SCYL2: variants seen among roughly 807,000 people sequenced by gnomAD.
The protein encoded by SCYL2 is SCY1-like protein 2.
In SCYL2, 36 loss-of-function variants were observed where a neutral mutation model predicts 100.4. That is an observed-to-expected ratio of 0.36 (90% CI 0.27 to 0.47). SCYL2 has a LOEUF of 0.47. SCYL2 is among the 20% of genes least tolerant of loss of function. The pLI is 1.00. For missense variants in SCYL2, 902 were observed against 1,083.9 expected (o/e 0.83, Z 2.36); for synonymous variants, 330 against 359.2 (o/e 0.92, Z 0.92).
chr12:100,286,038 A>G (rs892574109), intron 2 of SCYL2, among the ~76,000 whole-genome samples: 6 of 152,170 alleles, frequency 3.9e-5, no homozygotes, highest in African/African-American at 1.2e-4. Context: ...GTTATCTGTT[A>G]GGTAGGAATA....
chr12:100,268,333 C>T (rs2096282236), intron 1 of SCYL2, among the ~76,000 whole-genome samples: 1 of 152,120 alleles, frequency 6.6e-6, no homozygotes, highest in Non-Finnish European at 1.5e-5. Flanking sequence ...CACTGTAAAA[C>T]CCCATTATGT....
chr12:100,339,318 T>C lies in SCYL2; in HGVS notation c.*146T>C. 1 of 801,688 alleles carries C rather than the reference T, an allele frequency of 1.2e-6. No homozygotes were observed. Among genetic ancestry groups the C allele is most frequent in the East Asian group, 2.7e-5 (1 of 37,660 alleles). The allele number at this position is 801,688 out of a possible 1,614,324, so 49.7% of individuals were successfully genotyped here. On this transcript the variant is annotated 3_prime_UTR_variant, in exon 18 of 18. Transcript: ENST00000360820. ...GGAAACATCTCTGTCCATGCCAGCA[T>C]AGTAGTTGTATGGACTTCTAACCAG...
chr12:100,304,519 C>T (rs2096331688), intron 4 of SCYL2, among the ~76,000 whole-genome samples: 1 of 152,120 alleles, frequency 6.6e-6, no homozygotes, highest in East Asian at 1.9e-4. Flanking sequence ...GGAGGGAGTT[C>T]CCCGACCCCT....
At chr12:100,278,002 ATATACT>A (rs1566342100) in intron 1 of SCYL2, among the ~76,000 whole-genome samples, 2 of 152,164 alleles carry the variant, frequency 1.3e-5, no homozygotes, top group Non-Finnish European at 2.9e-5. Flanking sequence ...TCTTTAAAAA[ATATACT>A]TATATTTCCC....
chr12:100,321,927 G>C (rs1446563047), intron 10 of SCYL2, among the ~76,000 whole-genome samples: 1 of 151,650 alleles, frequency 6.6e-6, no homozygotes, highest in African/African-American at 2.4e-5. Context: ...GTGCATGCCT[G>C]TAGTGCCAGC....
chr12:100,282,841 G>C, intron 1 of SCYL2, 102 bp from the exon 2 acceptor site: 1 of 522,476 alleles, frequency 1.9e-6, no homozygotes, highest in Non-Finnish European at 3.2e-6. Flanking sequence ...GGATTATTCT[G>C]TTCACTGTTT....
At chr12:100,322,372 C>CAAAA (rs34959294) in intron 10 of SCYL2, among the ~76,000 whole-genome samples, 15 of 61,758 alleles carry the variant, frequency 2.4e-4, no homozygotes, top group Non-Finnish European at 3.6e-4. Flanking sequence ...GACTCCGTCT[C>CAAAA]AAAAAAAAAA....
At position 100,311,114 on chromosome 12, in the gene SCYL2, T is replaced by C. The variant is rs1260679583; in HGVS notation, c.551T>C (p.Ile184Thr). Residue 184 changes from isoleucine (I) to threonine (T), a missense_variant, in exon 5 of 18, where the codon ATA becomes ACA. Transcript: ENST00000360820. ...MVHGNITPENIILNKSGAWKI... is the reference protein window; with the variant it reads ...MVHGNITPENTILNKSGAWKI... Reference sequence around the variant, plus strand: ...CATGGAAATATCACTCCTGAAAATATAATTTTGAATAAAAGTGGAGCCTGG... The same window carrying C: ...CATGGAAATATCACTCCTGAAAATACAATTTTGAATAAAAGTGGAGCCTGG... 6 of 1,608,276 alleles carry C rather than the reference T, an allele frequency of 3.7e-6. No homozygotes were observed. The African/African-American group carries it at 4.0e-5, about 11-fold the overall frequency.
At chr12:100,289,404 T>C (rs1278525544) in intron 2 of SCYL2, among the ~76,000 whole-genome samples, 1 of 152,222 alleles carries the variant, frequency 6.6e-6, no homozygotes, top group Non-Finnish European at 1.5e-5. Flanking sequence ...ACATTTATCT[T>C]CTCCACAACA....
At chr12:100,326,965 G>A (rs912711844) in intron 12 of SCYL2, among the ~76,000 whole-genome samples, 1 of 152,098 alleles carries the variant, frequency 6.6e-6, no homozygotes, top group Non-Finnish European at 1.5e-5. Flanking sequence ...AAGAATTCTA[G>A]CTTTACGAAT....
chr12:100,272,521 C>T (rs181248213), intron 1 of SCYL2, among the ~76,000 whole-genome samples: 2 of 152,256 alleles, frequency 1.3e-5, no homozygotes, highest in Admixed American at 1.3e-4. Context: ...TTTTTACTTT[C>T]AGTCTGGACG....
At chr12:100,272,551 C>T (rs924208789) in intron 1 of SCYL2, among the ~76,000 whole-genome samples, 1 of 152,080 alleles carries the variant, frequency 6.6e-6, no homozygotes, top group Non-Finnish European at 1.5e-5. Context: ...AAGTTTTTGG[C>T]CTGCATGTCT....
rs1320195004 is a variant in SCYL2 at position 100,340,655 on chromosome 12, ATAT to A, written c.*1488_*1490del. Reference sequence around the variant, plus strand: ...CTTGATTACAAAATGTAATTTAATTATATTATTGCTGGCAGCATTCAGTTAAGA... The same window carrying A: ...CTTGATTACAAAATGTAATTTAATTATATTGCTGGCAGCATTCAGTTAAGA... On this transcript the variant is annotated 3_prime_UTR_variant, in exon 18 of 18. Coordinates refer to ENST00000360820, the MANE Select transcript of SCYL2 (RefSeq NM_017988.6). 1.3e-5 allele frequency: 2 copies of A among 152,066 alleles called. No homozygotes were observed. Among genetic ancestry groups the A allele is most frequent in the Non-Finnish European group, 2.9e-5 (2 of 67,912 alleles). 9.4% of individuals were successfully genotyped at this position (152,066 alleles called of 1,614,324 possible). A position where few individuals can be genotyped will look rare whatever the true frequency, so the allele number is the denominator to read the frequency against.
Position 100,335,540 on chromosome 12 carries a change from C to T in SCYL2, c.1863-85C>T, listed in dbSNP as rs117237560. ...GAGTTTAATTGGGGTCTAATAAATT[C>T]CATGTGAATAAATAATTTTTGGCAT... On this transcript the variant is annotated intron_variant, in intron 14 of 17. Transcript: ENST00000360820. 7,239 of 955,902 alleles carry T rather than the reference C, an allele frequency of 7.6e-3. 25 individuals are homozygous for T. Among genetic ancestry groups the T allele is most frequent in the Middle Eastern group, 0.015 (44 of 2,958 alleles). The allele number at this position is 955,902 out of a possible 1,614,324, so 59.2% of individuals were successfully genotyped here.
rs140985893 is a variant in SCYL2, at chr12:100,304,368, C to T, written c.480+6193C>T. On this transcript the variant is annotated intron_variant, in intron 4 of 17. Transcript: ENST00000360820. ...ACGGCGCCCAGTTTTGTGCTTGAAA[C>T]CCAGGGTCCTGGTGGTGTAGGTACC... 2.9e-3 allele frequency among the ~76,000 whole-genome samples: 434 copies of T among 152,006 alleles called. 1 individual carries two copies. Among genetic ancestry groups the T allele is most frequent in the African/African-American group, 9.7e-3 (402 of 41,448 alleles).
chr12:100,308,626 T>C (rs1278449549), intron 4 of SCYL2, among the ~76,000 whole-genome samples: 2 of 152,148 alleles, frequency 1.3e-5, no homozygotes, highest in Admixed American at 6.5e-5. Flanking sequence ...ATCCCAGAAC[T>C]TAAAGTGTAA....
chr12:100,301,328 C>T (rs1001955783), intron 4 of SCYL2, among the ~76,000 whole-genome samples: 15 of 151,768 alleles, frequency 9.9e-5, no homozygotes, highest in African/African-American at 3.1e-4. Flanking sequence ...AATCTTTTGC[C>T]CATTTTTGAT....
Position 100,334,152 on chromosome 12 carries a change from T to C in SCYL2, c.1762-14T>C. The C allele has an allele frequency of 1.4e-6, 2 of 1,442,606 alleles. No individual in the cohort carries two copies. Among genetic ancestry groups the C allele is most frequent in the Non-Finnish European group, 1.9e-6 (2 of 1,030,884 alleles). The allele number at this position is 1,442,606 out of a possible 1,614,324, so 89.4% of individuals were successfully genotyped here. On this transcript the variant is annotated splice_polypyrimidine_tract_variant and intron_variant, in intron 13 of 17. Coordinates refer to ENST00000360820, the MANE Select transcript of SCYL2 (RefSeq NM_017988.6). ...TTGAAACATTGTAACCATATCAATT[T>C]CTCATTATACCAGTTCAATTCTTTC...
chr12:100,301,683 T>C (rs2096327856), intron 4 of SCYL2, among the ~76,000 whole-genome samples: 1 of 152,256 alleles, frequency 6.6e-6, no homozygotes, highest in South Asian at 2.1e-4. Context: ...ATTTTCTGTC[T>C]GGAAGATTGG....
Sources: allele counts gnomAD v4.1 joint callset (sites outside exome capture counted in the v4.1 genomes callset), GRCh38; gene constraint gnomAD v4.1.1; transcripts MANE v1.5; gene names NCBI Gene and HGNC (gene_info 2026-07-23, HGNC 2026-07-21).